Variants in METTL16 observed in about 807,000 individuals in gnomAD.
METTL16 encodes methyltransferase 16, RNA N6-adenosine.
Under a neutral mutation model 57.9 loss-of-function variants are expected in METTL16, and 19 were observed. That is an observed-to-expected ratio of 0.33 (90% CI 0.23 to 0.48). The LOEUF (loss-of-function observed/expected upper bound fraction) is 0.48. Ranked by LOEUF, METTL16 falls within the 20% of genes least tolerant of loss-of-function variation. The pLI, the probability that METTL16 is intolerant of heterozygous loss-of-function variation, is 0.99. For missense variants in METTL16, 434 were observed against 691.5 expected (o/e 0.63, Z 4.18); for synonymous variants, 246 against 255.6 (o/e 0.96, Z 0.36).
At position 2,509,612 on chromosome 17, in the gene METTL16, G is replaced by A. The variant is rs933342783; in HGVS notation, c.-1+2147C>T. On this transcript the variant is annotated intron_variant, in intron 1 of 9. Coordinates refer to ENST00000263092, the MANE Select transcript of METTL16 (RefSeq NM_024086.4). ...AATATCCAAAATTAAAGTGTTGGCC[G>A]GGCACAGTCGCTCACGACTATAATC... Among the ~76,000 whole-genome samples the A allele has an allele frequency of 3.3e-5, 5 of 152,232 alleles. No homozygotes were observed. In the East Asian group the frequency reaches 5.8e-4, roughly 18 times the overall value.
chr17:2,503,653 A>T (rs911652982), intron 1 of METTL16, among the ~76,000 whole-genome samples: 5 of 152,118 alleles, frequency 3.3e-5, no homozygotes, highest in Admixed American at 6.5e-5. Context: ...CCATACAATA[A>T]ATATGGATCA....
chr17:2,427,273 AT>A (rs547585319), intron 8 of METTL16, among the ~76,000 whole-genome samples: 1 of 152,224 alleles, frequency 6.6e-6, no homozygotes, highest in Non-Finnish European at 1.5e-5. Flanking sequence ...TTCTTTTGAG[AT>A]TTTTTTCATT....
At chr17:2,497,758 G>A (rs1291799537) in intron 2 of METTL16, among the ~76,000 whole-genome samples, 1 of 151,354 alleles carries the variant, frequency 6.6e-6, no homozygotes, top group Non-Finnish European at 1.5e-5. Flanking sequence ...ACAAGGTCTT[G>A]CTCTGTTGCC....
intron 8 of METTL16, among the ~76,000 whole-genome samples, chr17:2,422,419 C>T (rs1476213271): frequency 6.6e-6 from 1 of 151,854 alleles, no homozygotes; most frequent in Non-Finnish European, 1.5e-5. Flanking sequence ...TGGAATCTCA[C>T]TCTGTCACTG....
At chr17:2,428,218 C>A (rs916288125) in intron 8 of METTL16, among the ~76,000 whole-genome samples, 2 of 151,714 alleles carry the variant, frequency 1.3e-5, no homozygotes, top group African/African-American at 2.4e-5. Context: ...GACTTCCCAG[C>A]AAAATAAACC....
At chr17:2,438,031 C>A in intron 8 of METTL16, 78 bp downstream of exon 8, 2 of 1,034,094 alleles carry the variant, frequency 1.9e-6, no homozygotes, top group Admixed American at 1.7e-5. Context: ...CAGGACACTA[C>A]CAATTCAGTT....
chr17:2,428,564 AATATATATATATATATATATATAT>A (rs71362532), intron 8 of METTL16, among the ~76,000 whole-genome samples: 6 of 31,336 alleles, frequency 1.9e-4, no homozygotes, highest in Non-Finnish European at 3.0e-4. Flanking sequence ...AAAAAAAAAA[AATATATATATATATATATATATAT>A]ATATATATAT....
At position 2,479,916 on chromosome 17, in the gene METTL16, G is replaced by A. The variant is rs142647568; in HGVS notation, c.129-2031C>T. 2.0e-3 allele frequency among the ~76,000 whole-genome samples: 298 copies of A among 152,250 alleles called. 2 individuals carry two copies. The highest frequency in any genetic ancestry group is 6.8e-3 in the African/African-American group (282 of 41,550). On this transcript the variant is annotated intron_variant, in intron 2 of 9. Coordinates refer to ENST00000263092, the MANE Select transcript of METTL16 (RefSeq NM_024086.4). ...AAAAGTAAAGGACTGGCCGGGCACG[G>A]TGGCTCACACCTGTAATCCTACCAC...
chr17:2,447,560 C>A (rs2067012422), intron 6 of METTL16, among the ~76,000 whole-genome samples: 1 of 117,266 alleles, frequency 8.5e-6, no homozygotes, highest in South Asian at 3.2e-4. Context: ...GCCAGTCGCC[C>A]CGTCCAGGAG....
chr17:2,497,816 C>T (rs1299459644), intron 2 of METTL16, among the ~76,000 whole-genome samples: 1 of 151,224 alleles, frequency 6.6e-6, no homozygotes, highest in Non-Finnish European at 1.5e-5. Flanking sequence ...AGCCTTGACC[C>T]CCTGGGCTCA....
At chr17:2,433,279 G>A (rs1305748342) in intron 8 of METTL16, among the ~76,000 whole-genome samples, 1 of 152,318 alleles carries the variant, frequency 6.6e-6, no homozygotes, top group East Asian at 1.9e-4. Flanking sequence ...CCATGGGAAG[G>A]CTGTGGAGAC....
chr17:2,450,026 T>TG (rs955522338), intron 6 of METTL16, among the ~76,000 whole-genome samples: 122 of 152,322 alleles, frequency 8.0e-4, no homozygotes, highest in African/African-American at 2.8e-3. Flanking sequence ...CAGATATTGC[T>TG]GGTGGGAATG....
intron 5 of METTL16, among the ~76,000 whole-genome samples, chr17:2,465,661 G>C (rs1041433032): frequency 6.6e-6 from 1 of 151,254 alleles, no homozygotes; most frequent in Non-Finnish European, 1.5e-5. Context: ...TCAGGATTTC[G>C]AGACCAGCCT....
At chr17:2,460,915 A>G (rs2067145649) in intron 6 of METTL16, among the ~76,000 whole-genome samples, 1 of 151,898 alleles carries the variant, frequency 6.6e-6, no homozygotes, top group Non-Finnish European at 1.5e-5. Context: ...GTCATCATGA[A>G]ATGGTCACAT....
At chr17:2,432,106 A>G (rs1336011397) in intron 8 of METTL16, among the ~76,000 whole-genome samples, 1 of 152,050 alleles carries the variant, frequency 6.6e-6, no homozygotes, top group Admixed American at 6.6e-5. Context: ...CACCATGTCC[A>G]GCTATTTTTT....
intron 2 of METTL16, among the ~76,000 whole-genome samples, chr17:2,480,177 C>T (rs1597463235): frequency 7.1e-6 from 1 of 141,410 alleles, no homozygotes; most frequent in South Asian, 2.2e-4. Flanking sequence ...CAGAGAGAGA[C>T]TCTGTCTCAA....
At chr17:2,443,970 T>C (rs538417731) in intron 6 of METTL16, among the ~76,000 whole-genome samples, 9 of 152,326 alleles carry the variant, frequency 5.9e-5, no homozygotes, top group African/African-American at 1.9e-4. Context: ...ATGTTGACTA[T>C]AGTTAATAAT....
chr17:2,455,459 C>T (rs1265580895), intron 6 of METTL16, among the ~76,000 whole-genome samples: 3 of 152,122 alleles, frequency 2.0e-5, no homozygotes, highest in Non-Finnish European at 4.4e-5. Flanking sequence ...TCTTCTTTCA[C>T]CAGCTAACGC....
intron 8 of METTL16, among the ~76,000 whole-genome samples, chr17:2,429,197 AC>A (rs2066851116): frequency 1.5e-5 from 1 of 67,926 alleles, no homozygotes; most frequent in Admixed American, 1.9e-4. Context: ...AAAGAATGAA[AC>A]TTTTTTTTTT....
Sources: allele counts gnomAD v4.1 joint callset (sites outside exome capture counted in the v4.1 genomes callset), GRCh38; gene constraint gnomAD v4.1.1; transcripts MANE v1.5; gene names NCBI Gene and HGNC (gene_info 2026-07-23, HGNC 2026-07-21).